GRB14: variants seen among roughly 807,000 people sequenced by gnomAD.
The protein encoded by GRB14 is growth factor receptor bound protein 14.
A neutral mutation model predicts 69.1 loss-of-function variants in GRB14; 38 were observed. That is an observed-to-expected ratio of 0.55 (90% CI 0.42 to 0.72). GRB14 has a LOEUF of 0.72. GRB14 is among the 30% of genes least tolerant of loss of function. The pLI is 0.00. For missense variants in GRB14, 666 were observed against 666.1 expected, an observed-to-expected ratio of 1.00 and a Z score of 0.00; for synonymous variants, 247 against 241.3, an observed-to-expected ratio of 1.02 and a Z score of -0.22.
intron 2 of GRB14, among the ~76,000 whole-genome samples, chr2:164,614,261 A>G (rs1021593269): frequency 2.0e-5 from 3 of 152,234 alleles, no homozygotes; most frequent in African/African-American, 7.2e-5. Flanking sequence ...TATTGTTTCT[A>G]TCATTCTTTC....
intron 2 of GRB14, among the ~76,000 whole-genome samples, chr2:164,609,088 C>G (rs537235347): frequency 6.6e-6 from 1 of 152,168 alleles, no homozygotes; most frequent in African/African-American, 2.4e-5. Flanking sequence ...TTTCTATTAA[C>G]ATTTTAAAAG....
At chr2:164,508,359 C>T in intron 8 of GRB14, 96 bp downstream of exon 8, 1 of 895,814 alleles carries the variant, frequency 1.1e-6, no homozygotes, top group Non-Finnish European at 1.8e-6. Flanking sequence ...CTCATGTAGC[C>T]ACCCAGTGAG....
intron 9 of GRB14, among the ~76,000 whole-genome samples, chr2:164,499,328 G>A (rs1419947122): frequency 1.3e-5 from 2 of 152,022 alleles, no homozygotes; most frequent in Non-Finnish European, 2.9e-5. Context: ...TACAAATAAG[G>A]AACGTTTTCA....
chr2:164,508,129 G>A (rs769585131), intron 8 of GRB14, among the ~76,000 whole-genome samples: 3 of 152,184 alleles, frequency 2.0e-5, no homozygotes, highest in Non-Finnish European at 2.9e-5. Flanking sequence ...TGTTGGCAAC[G>A]TTTTAAGAGT....
chr2:164,492,641 G>C lies in GRB14; in HGVS notation c.*395C>G, dbSNP rs977304454. 2.6e-5 allele frequency among the ~76,000 whole-genome samples: 4 copies of C among 151,920 alleles called. No homozygotes were observed. Among genetic ancestry groups the C allele is most frequent in the African/African-American group, 9.7e-5 (4 of 41,406 alleles). ...TCATATTTCTTAACATTAAAAAATA[G>C]TATAATTGAAATTTAGTGCACAAAT... is the stretch of plus-strand genomic sequence containing the variant. On this transcript the variant is annotated 3_prime_UTR_variant, in exon 14 of 14. Transcript: ENST00000263915.
intron 2 of GRB14, among the ~76,000 whole-genome samples, chr2:164,603,669 A>AT (rs1042544948): frequency 1.3e-4 from 14 of 111,876 alleles, no homozygotes; most frequent in African/African-American, 4.5e-4. Context: ...CCTCAAAAAA[A>AT]AAATATATAT....
intron 3 of GRB14, 60 bp from the exon 4 acceptor site, chr2:164,527,195 A>G (rs946541970): frequency 2.6e-5 from 6 of 230,750 alleles, no homozygotes; most frequent in Non-Finnish European, 4.7e-5. Flanking sequence ...ATATATATAT[A>G]TATATATATA....
intron 2 of GRB14, among the ~76,000 whole-genome samples, chr2:164,608,533 C>A (rs1387196272): frequency 6.6e-6 from 1 of 151,294 alleles, no homozygotes; most frequent in East Asian, 1.9e-4. Flanking sequence ...AGCAAAGTAA[C>A]CCCTTATATA....
chr2:164,620,801 G>A (rs1385541421), intron 1 of GRB14, among the ~76,000 whole-genome samples: 4 of 152,078 alleles, frequency 2.6e-5, no homozygotes, highest in Non-Finnish European at 5.9e-5. Flanking sequence ...ATAAAATAGA[G>A]TTTACTTTGT....
intron 2 of GRB14, among the ~76,000 whole-genome samples, chr2:164,579,169 G>C (rs929542057): frequency 2.0e-5 from 3 of 152,128 alleles, no homozygotes; most frequent in African/African-American, 7.2e-5. Flanking sequence ...GTGACTTTAA[G>C]CCAAAAGACA....
intron 2 of GRB14, among the ~76,000 whole-genome samples, chr2:164,552,563 T>C (rs563911231): frequency 1.3e-5 from 2 of 152,306 alleles, no homozygotes; most frequent in African/African-American, 4.8e-5. Flanking sequence ...ACTGACTCAA[T>C]ATGGCAGTTC....
At chr2:164,555,899 TATA>T (rs1341190422) in intron 2 of GRB14, among the ~76,000 whole-genome samples, 2 of 151,870 alleles carry the variant, frequency 1.3e-5, no homozygotes, top group Non-Finnish European at 2.9e-5. Context: ...TAAAAGAGCT[TATA>T]ATGTTTCAAT....
intron 5 of GRB14, among the ~76,000 whole-genome samples, chr2:164,524,790 G>C (rs897846558): frequency 1.3e-5 from 2 of 151,746 alleles, no homozygotes; most frequent in Non-Finnish European, 2.9e-5. Context: ...TTGACAATTG[G>C]CTAAAACTGG....
chr2:164,603,012 T>C (rs2105353759), intron 2 of GRB14, among the ~76,000 whole-genome samples: 4 of 152,138 alleles, frequency 2.6e-5, no homozygotes, highest in Middle Eastern at 6.8e-3. Context: ...AAAAATTAAG[T>C]GTGGTCAAAG....
At chr2:164,579,672 C>T (rs529758350) in intron 2 of GRB14, among the ~76,000 whole-genome samples, 14 of 151,978 alleles carry the variant, frequency 9.2e-5, no homozygotes, top group African/African-American at 3.4e-4. Flanking sequence ...CAGACAGTGG[C>T]CTAATCCCGG....
At chr2:164,498,226 C>A (rs1686956478) in intron 9 of GRB14, among the ~76,000 whole-genome samples, 1 of 151,994 alleles carries the variant, frequency 6.6e-6, no homozygotes, top group African/African-American at 2.4e-5. Flanking sequence ...ATGAGGGCTG[C>A]AAAAATAAGC....
At chr2:164,596,110 G>A (rs373172497) in intron 2 of GRB14, among the ~76,000 whole-genome samples, 1 of 152,024 alleles carries the variant, frequency 6.6e-6, no homozygotes, top group South Asian at 2.1e-4. Flanking sequence ...ATGACAGAGG[G>A]AGACTCCGTC....
intron 3 of GRB14, among the ~76,000 whole-genome samples, chr2:164,544,453 C>T (rs1243000160): frequency 1.3e-5 from 2 of 152,018 alleles, no homozygotes; most frequent in African/African-American, 2.4e-5. Flanking sequence ...ATATAAAATA[C>T]TGTAATAATA....
intron 2 of GRB14, among the ~76,000 whole-genome samples, chr2:164,582,631 G>C (rs1042622100): frequency 6.6e-6 from 1 of 152,018 alleles, no homozygotes; most frequent in Non-Finnish European, 1.5e-5. Context: ...ATCTTGGCCA[G>C]GCTGGTCCTG....
Sources: gnomAD v4.1 joint callset for allele counts (sites outside exome capture counted in the v4.1 genomes callset) on GRCh38, gnomAD v4.1.1 for gene constraint, MANE v1.5 for transcripts, NCBI Gene and HGNC (gene_info 2026-07-23, HGNC 2026-07-21) for gene names.